The following PCDHA5 variants were observed in gnomAD, a reference collection of about 807,000 sequenced individuals.
The protein encoded by PCDHA5 is protocadherin alpha-5.
Under a neutral mutation model 61.6 loss-of-function variants are expected in PCDHA5, and 43 were observed. The ratio of observed to expected loss-of-function variants is 0.70; its 90% CI spans 0.55 to 0.90. The LOEUF is 0.90. Among genes scored for constraint, PCDHA5 ranks in the 40% least tolerant of loss-of-function variants. PCDHA5 has a pLI of 0.00. For missense variants in PCDHA5, 1,298 were observed against 1,222.7 expected, an observed-to-expected ratio of 1.06 and a Z score of -0.92; for synonymous variants, 627 against 543.9, an observed-to-expected ratio of 1.15 and a Z score of -2.13.
chr5:140,917,336 G>C (rs1183036523), intron 1 of PCDHA5, among the ~76,000 whole-genome samples: 1 of 144,856 alleles, frequency 6.9e-6, no homozygotes, highest in Non-Finnish European at 1.5e-5. Context: ...GGGGAGGGGG[G>C]GGATGGTGTA....
At chr5:140,978,910 T>C in intron 1 of PCDHA5, 39 bp from the exon 2 acceptor site, 1 of 1,613,896 alleles carries the variant, frequency 6.2e-7, no homozygotes, top group Non-Finnish European at 8.5e-7. Context: ...GAACATTGTC[T>C]TGTCATTTTA....
intron 1 of PCDHA5, chr5:140,866,111 C>T (rs2049154536): frequency 6.6e-6 from 1 of 151,970 alleles, no homozygotes; most frequent in South Asian, 2.1e-4. Flanking sequence ...TTAAGAGTTG[C>T]CTTATAAGAA....
chr5:140,856,771 T>A, intron 1 of PCDHA5: 1 of 1,596,918 alleles, frequency 6.3e-7, no homozygotes, highest in Non-Finnish European at 8.6e-7. Flanking sequence ...CCCCTATCTT[T>A]GACAGACCGG....
chr5:140,843,209 G>A, intron 1 of PCDHA5: 2 of 1,596,078 alleles, frequency 1.3e-6, no homozygotes, highest in African/African-American at 2.7e-5. Context: ...GTACACGGGC[G>A]AGATCAGCAC....
intron 1 of PCDHA5, among the ~76,000 whole-genome samples, chr5:140,949,279 A>T (rs2094358116): frequency 6.6e-6 from 1 of 151,848 alleles, no homozygotes; most frequent in African/African-American, 2.4e-5. Flanking sequence ...CTTGAAAAGA[A>T]TGTATATTCT....
In PCDHA5 at chr5:140,923,435, G is replaced by A. The variant is rs186360462; in HGVS notation, c.2353-55514G>A. 5.3e-3 allele frequency among the ~76,000 whole-genome samples: 803 copies of A among 152,184 alleles called. 3 individuals are homozygous for A. Among genetic ancestry groups the A allele is most frequent in the Non-Finnish European group, 8.4e-3 (569 of 67,990 alleles). ...CCTGGCTACTTGGGAGGCTGGGGTG[G>A]GAGGATCACCTGAGCCCAGAGAGGT... On this transcript the variant is annotated intron_variant, in intron 1 of 3. Transcript: ENST00000529859.
chr5:140,978,915 A>T, intron 1 of PCDHA5, 34 bp from the exon 2 acceptor site: 3 of 1,613,970 alleles, frequency 1.9e-6, no homozygotes, highest in Non-Finnish European at 2.5e-6. Flanking sequence ...TTGTCTTGTC[A>T]TTTTAACAGA....
chr5:140,963,072 CAG>C (rs1366711310), intron 1 of PCDHA5, among the ~76,000 whole-genome samples: 5 of 151,824 alleles, frequency 3.3e-5, no homozygotes, highest in African/African-American at 1.2e-4. Flanking sequence ...GTGAAGGAGA[CAG>C]AAATATAAGA....
At chr5:140,901,599 A>G (rs1196199794) in intron 1 of PCDHA5, among the ~76,000 whole-genome samples, 2 of 152,132 alleles carry the variant, frequency 1.3e-5, no homozygotes, top group South Asian at 2.1e-4. Flanking sequence ...TTTGGTTACT[A>G]TATCTCTATG....
At chr5:140,858,624 G>T (rs112932902) in intron 1 of PCDHA5, 7 of 1,115,778 alleles carry the variant, frequency 6.3e-6, no homozygotes, top group African/African-American at 4.7e-5. Context: ...CCTACCCAGT[G>T]TGTCAGCCTT....
intron 1 of PCDHA5, chr5:140,836,570 G>A (rs1294838200): frequency 6.2e-6 from 10 of 1,613,682 alleles, no homozygotes; most frequent in Non-Finnish European, 7.6e-6. Flanking sequence ...CGTCCTCTGA[G>A]GGCGCATGTA....
chr5:140,968,639 G>C (rs1278507600), intron 1 of PCDHA5: 1 of 1,614,032 alleles, frequency 6.2e-7, no homozygotes, highest in Non-Finnish European at 8.5e-7. Flanking sequence ...TTACCATCTA[G>C]CCCAGACTTC....
intron 1 of PCDHA5, among the ~76,000 whole-genome samples, chr5:140,939,502 T>A (rs781895675): frequency 2.7e-5 from 4 of 150,818 alleles, no homozygotes; most frequent in Non-Finnish European, 5.9e-5. Flanking sequence ...AAATTCAATG[T>A]CTATAACATT....
rs368920437 is a variant in PCDHA5, at chr5:140,857,660, G to T, written c.2352+33533G>T. On this transcript the variant is annotated intron_variant, in intron 1 of 3. Coordinates refer to ENST00000529859, the MANE Select transcript of PCDHA5 (RefSeq NM_018908.3). ...GCTACAGTTCCAGGTGAGCGCGCGC[G>T]ATGGGGGCGTGCCGCCTCTGGGCAG... is the stretch of plus-strand genomic sequence containing the variant. 1.2e-5 allele frequency: 19 copies of T among 1,596,850 alleles called. 2 individuals are homozygous for T. In the East Asian group the frequency reaches 1.3e-4, roughly 11 times the overall value.
chr5:140,868,027 G>T (rs2050246308), intron 1 of PCDHA5: 1 of 151,988 alleles, frequency 6.6e-6, no homozygotes, highest in African/African-American at 2.4e-5. Context: ...AACCAATGTT[G>T]GTGACTTGGA....
rs2150354171 is a variant in PCDHA5, at chr5:140,843,161, G to C, written c.2352+19034G>C. 3.6e-5 allele frequency: 58 copies of C among 1,595,996 alleles called. 4 individuals are homozygous for C. In the South Asian group the frequency reaches 6.1e-4, roughly 17 times the overall value. ...GTGGCTTTCGTATGAGCTGCAGCCA[G>C]CTGCAAGCAGCCCTCGCATCCCGTT... On this transcript the variant is annotated intron_variant, in intron 1 of 3. Coordinates refer to ENST00000529859, the MANE Select transcript of PCDHA5 (RefSeq NM_018908.3).
chr5:140,830,527 A>T (rs1409686582), intron 1 of PCDHA5: 11 of 1,307,954 alleles, frequency 8.4e-6, no homozygotes, highest in Non-Finnish European at 1.1e-5. Context: ...TTTATTTTAA[A>T]TTTATAATTG....
intron 1 of PCDHA5, chr5:140,883,186 C>T (rs782501193): frequency 1.4e-5 from 23 of 1,613,822 alleles, no homozygotes; most frequent in African/African-American, 2.7e-5. Context: ...GGACAAAAGG[C>T]AAACTAGATT....
chr5:140,862,830 C>A (rs781933426), intron 1 of PCDHA5: 1 of 572,350 alleles, frequency 1.7e-6, no homozygotes, highest in South Asian at 1.4e-5. Context: ...GAGCGCGCGA[C>A]GCGGGCATGC....
Sources: allele counts gnomAD v4.1 joint callset (sites outside exome capture counted in the v4.1 genomes callset), GRCh38; gene constraint gnomAD v4.1.1; transcripts MANE v1.5; gene names NCBI Gene and HGNC (gene_info 2026-07-23, HGNC 2026-07-21).